Variants in CDK8 observed in about 807,000 individuals in gnomAD.
CDK8 encodes the protein cyclin dependent kinase 8.
In CDK8, 29 loss-of-function variants were observed where a neutral mutation model predicts 71.5. The observed-to-expected ratio is 0.41, with a 90% CI of 0.30 to 0.55. The LOEUF is 0.55. CDK8 is among the 20% of genes least tolerant of loss of function. CDK8 has a pLI of 0.37. For missense variants in CDK8, 288 were observed against 572.6 expected (o/e 0.50, Z 5.07); for synonymous variants, 161 against 192.1 (o/e 0.84, Z 1.34).
intron 1 of CDK8, among the ~76,000 whole-genome samples, chr13:26,267,116 T>C (rs1872055276): frequency 6.6e-6 from 1 of 152,206 alleles, no homozygotes; most frequent in Non-Finnish European, 1.5e-5. Context: ...GCATTTTTAA[T>C]TATTGCTGAA....
intron 8 of CDK8, 140 bp from the exon 9 acceptor site, chr13:26,397,013 C>G (rs1266503596): frequency 1.7e-6 from 1 of 602,230 alleles, no homozygotes; most frequent in Non-Finnish European, 3.0e-6. Flanking sequence ...TGATTTAATT[C>G]TACTCATTTT....
intron 5 of CDK8, among the ~76,000 whole-genome samples, chr13:26,383,762 C>A (rs1024714931): frequency 7.2e-5 from 11 of 152,270 alleles, no homozygotes; most frequent in Admixed American, 5.2e-4. Context: ...ATCTCACTTT[C>A]CACTTCTAAT....
At chr13:26,308,219 C>T (rs1265045105) in intron 1 of CDK8, among the ~76,000 whole-genome samples, 6 of 152,180 alleles carry the variant, frequency 3.9e-5, no homozygotes, top group Non-Finnish European at 5.9e-5. Flanking sequence ...GCCTTATATC[C>T]GGTGCTTCAT....
intron 1 of CDK8, among the ~76,000 whole-genome samples, chr13:26,257,907 T>C (rs946746082): frequency 1.4e-5 from 2 of 139,428 alleles, no homozygotes; most frequent in Non-Finnish European, 3.0e-5. Flanking sequence ...TGTGTGTGTG[T>C]GTGTGTGTGT....
intron 1 of CDK8, among the ~76,000 whole-genome samples, chr13:26,310,322 A>G (rs1359604050): frequency 6.6e-6 from 1 of 152,066 alleles, no homozygotes; most frequent in Non-Finnish European, 1.5e-5. Flanking sequence ...TGTTCCCTCT[A>G]TGTCTGTGGT....
At chr13:26,399,303 C>T (rs914726039) in intron 9 of CDK8, among the ~76,000 whole-genome samples, 2 of 152,178 alleles carry the variant, frequency 1.3e-5, no homozygotes, top group Non-Finnish European at 2.9e-5. Context: ...AGCCACCACA[C>T]CTGGCCTCTC....
At chr13:26,397,546 T>C (rs1876054910) in intron 9 of CDK8, among the ~76,000 whole-genome samples, 1 of 152,136 alleles carries the variant, frequency 6.6e-6, no homozygotes, top group Non-Finnish European at 1.5e-5. Context: ...TCCAGAGAAG[T>C]ATCAAGAAGA....
chr13:26,283,187 G>T (rs1026434241), intron 1 of CDK8, among the ~76,000 whole-genome samples: 3 of 152,176 alleles, frequency 2.0e-5, no homozygotes, highest in African/African-American at 7.2e-5. Context: ...CTATACCATA[G>T]AACAAATGGA....
intron 3 of CDK8, among the ~76,000 whole-genome samples, chr13:26,352,336 C>T (rs1218362494): frequency 6.6e-6 from 1 of 152,100 alleles, no homozygotes; most frequent in Non-Finnish European, 1.5e-5. Flanking sequence ...CTACCTCAGC[C>T]TCCCGAGTAG....
At chr13:26,296,052 A>C (rs1250342453) in intron 1 of CDK8, among the ~76,000 whole-genome samples, 1 of 152,124 alleles carries the variant, frequency 6.6e-6, no homozygotes, top group Non-Finnish European at 1.5e-5. Flanking sequence ...TAGAGTCTGC[A>C]CTCTACTTTT....
intron 1 of CDK8, among the ~76,000 whole-genome samples, chr13:26,291,493 T>A (rs1873296671): frequency 6.6e-6 from 1 of 152,166 alleles, no homozygotes; most frequent in Non-Finnish European, 1.5e-5. Flanking sequence ...TGTTCAGAAT[T>A]TTTAAAAATC....
At chr13:26,368,917 G>C (rs914578104) in intron 4 of CDK8, among the ~76,000 whole-genome samples, 2 of 151,924 alleles carry the variant, frequency 1.3e-5, no homozygotes, top group Non-Finnish European at 2.9e-5. Flanking sequence ...CCTCCTTGCA[G>C]TGGAACCAAC....
intron 1 of CDK8, among the ~76,000 whole-genome samples, chr13:26,313,755 A>G (rs925502097): frequency 2.0e-5 from 3 of 152,154 alleles, no homozygotes; most frequent in Non-Finnish European, 4.4e-5. Context: ...AATTGTTGTG[A>G]GTGAATTGAA....
chr13:26,322,338 C>T (rs1874813990), intron 1 of CDK8, among the ~76,000 whole-genome samples: 1 of 152,076 alleles, frequency 6.6e-6, no homozygotes, highest in Non-Finnish European at 1.5e-5. Flanking sequence ...CCCTAAATGA[C>T]CCTGCCTTGT....
At chr13:26,319,128 CAG>C (rs1874644051) in intron 1 of CDK8, among the ~76,000 whole-genome samples, 2 of 152,000 alleles carry the variant, frequency 1.3e-5, no homozygotes, top group African/African-American at 4.8e-5. Context: ...TAATAGAAAA[CAG>C]TGTGAAAAGA....
intron 6 of CDK8, among the ~76,000 whole-genome samples, chr13:26,388,073 G>A (rs1875565133): frequency 6.6e-6 from 1 of 152,172 alleles, no homozygotes; most frequent in Non-Finnish European, 1.5e-5. Flanking sequence ...TGACTTTGCT[G>A]TCAATTAAAT....
intron 1 of CDK8, among the ~76,000 whole-genome samples, chr13:26,309,772 A>G (rs1315923213): frequency 2.0e-5 from 3 of 151,994 alleles, no homozygotes. Flanking sequence ...CCATCTTACC[A>G]TCTTTTTATT....
intron 4 of CDK8, among the ~76,000 whole-genome samples, chr13:26,380,728 G>A (rs987938576): frequency 6.6e-6 from 1 of 152,180 alleles, no homozygotes; most frequent in Non-Finnish European, 1.5e-5. Flanking sequence ...CAGCCCTGCT[G>A]CCTCATCCTC....
chr13:26,284,759 A>T (rs1386310278), intron 1 of CDK8, among the ~76,000 whole-genome samples: 1 of 152,098 alleles, frequency 6.6e-6, no homozygotes, highest in Non-Finnish European at 1.5e-5. Flanking sequence ...ACCCTCCCCA[A>T]ATAAGTCTTT....
Sources: gnomAD v4.1 joint callset for allele counts (sites outside exome capture counted in the v4.1 genomes callset) on GRCh38, gnomAD v4.1.1 for gene constraint, MANE v1.5 for transcripts, NCBI Gene and HGNC (gene_info 2026-07-23, HGNC 2026-07-21) for gene names.